Variants in DOCK1 observed in about 807,000 individuals in gnomAD.
The protein encoded by DOCK1 is dedicator of cytokinesis 1.
DOCK1 carries 138 observed loss-of-function variants against 262.7 expected under a neutral mutation model. The observed-to-expected ratio is 0.53, with a 90% CI of 0.46 to 0.61. The LOEUF (loss-of-function observed/expected upper bound fraction) is 0.61, where lower values mean the gene tolerates loss of function less well. Among genes scored for constraint, DOCK1 ranks in the 20% least tolerant of loss-of-function variants. The pLI, the probability that DOCK1 is intolerant of heterozygous loss-of-function variation, is 0.00. For synonymous variants in DOCK1, 866 were observed against 867.4 expected, an observed-to-expected ratio of 1.00 and a Z score of 0.03; for missense variants, 1,908 against 2,370.7, an observed-to-expected ratio of 0.80 and a Z score of 4.05.
intron 10 of DOCK1, chr10:127,001,344 G>C (rs914339890): frequency 3.3e-5 from 5 of 152,088 alleles, no homozygotes; most frequent in African/African-American, 1.2e-4. Flanking sequence ...AAGCAAAATT[G>C]AACAGAAAAT....
At chr10:127,317,949 T>C (rs944510364) in intron 29 of DOCK1, among the ~76,000 whole-genome samples, 1 of 152,222 alleles carries the variant, frequency 6.6e-6, no homozygotes, top group Non-Finnish European at 1.5e-5. Flanking sequence ...GATAGTGGCC[T>C]TAGGGGAGTC....
chr10:127,426,844 G>A (rs1176326774), intron 47 of DOCK1, among the ~76,000 whole-genome samples: 1 of 152,202 alleles, frequency 6.6e-6, no homozygotes, highest in African/African-American at 2.4e-5. Context: ...GGCATCAGGA[G>A]CAGGGTGGAG....
At chr10:126,906,611 A>G (rs2030897547) in intron 1 of DOCK1, among the ~76,000 whole-genome samples, 1 of 152,136 alleles carries the variant, frequency 6.6e-6, no homozygotes, top group Non-Finnish European at 1.5e-5. Flanking sequence ...CCCACAGCCC[A>G]GGCTGTGTCC....
At chr10:127,060,583 A>C (rs1359317769) in intron 22 of DOCK1, among the ~76,000 whole-genome samples, 1 of 152,262 alleles carries the variant, frequency 6.6e-6, no homozygotes, top group Non-Finnish European at 1.5e-5. Flanking sequence ...TATTAATAAA[A>C]CATCTGAGTC....
intron 43 of DOCK1, among the ~76,000 whole-genome samples, chr10:127,411,972 AT>A (rs1270261641): frequency 1.3e-5 from 2 of 151,252 alleles, no homozygotes; most frequent in Admixed American, 1.3e-4. Flanking sequence ...TTATTTGTTT[AT>A]TTTTTTTGAG....
At chr10:127,085,481 C>T (rs549242474) in intron 23 of DOCK1, among the ~76,000 whole-genome samples, 214 of 152,310 alleles carry the variant, frequency 1.4e-3, no homozygotes, top group Non-Finnish European at 1.9e-3. Context: ...AACTCTTGGC[C>T]GGGCGCGGTG....
chr10:127,211,428 T>G (rs1187708860), intron 27 of DOCK1, among the ~76,000 whole-genome samples: 1 of 152,210 alleles, frequency 6.6e-6, no homozygotes, highest in Admixed American at 6.5e-5. Context: ...AGCTGCCGTT[T>G]GTGTCTCCGA....
chr10:127,185,776 G>A (rs2056173537), intron 27 of DOCK1, among the ~76,000 whole-genome samples: 1 of 152,160 alleles, frequency 6.6e-6, no homozygotes. Context: ...TTGAGTGGTT[G>A]TTGTACAAAT....
At chr10:127,381,133 GTTT>G in intron 36 of DOCK1, 142 bp from the exon 37 acceptor site, 1 of 579,776 alleles carries the variant, frequency 1.7e-6, no homozygotes, top group South Asian at 5.9e-5. Context: ...TGTACCAAAA[GTTT>G]TTAAGGCATT....
chr10:126,958,087 AG>A lies in DOCK1; in HGVS notation c.47-12612del, dbSNP rs1449303309. On this transcript the variant is annotated intron_variant, in intron 1 of 51. Coordinates refer to ENST00000623213, the MANE Select transcript of DOCK1 (RefSeq NM_001290223.2). ...GAAAAATCTCCTAGAGAGGGGCTTG[AG>A]GGTACTTTCTGGATCTCTTCCTATC... 2.0e-5 allele frequency among the ~76,000 whole-genome samples: 3 copies of A among 152,290 alleles called. No homozygotes were observed. The East Asian group carries it at 5.8e-4, about 29-fold the overall frequency.
At chr10:127,439,942 A>G (rs9418709) in intron 49 of DOCK1, among the ~76,000 whole-genome samples, 56,689 of 151,892 alleles carry the variant, frequency 0.37, 11,277 homozygotes, top group East Asian at 0.48. Context: ...GAAGTGCACC[A>G]CATTGGGAAT....
intron 46 of DOCK1, among the ~76,000 whole-genome samples, chr10:127,422,408 G>A (rs533555244): frequency 1.3e-5 from 2 of 151,824 alleles, no homozygotes; most frequent in Non-Finnish European, 2.9e-5. Context: ...CTCGTGATCC[G>A]CCCACCTCAG....
chr10:127,395,811 G>A (rs1565056716), intron 38 of DOCK1, among the ~76,000 whole-genome samples: 1 of 152,200 alleles, frequency 6.6e-6, no homozygotes, highest in East Asian at 1.9e-4. Context: ...CCTTGAACAG[G>A]GTTAAAGCCA....
chr10:127,182,129 C>T (rs1441773082), intron 27 of DOCK1, among the ~76,000 whole-genome samples: 2 of 152,000 alleles, frequency 1.3e-5, no homozygotes, highest in East Asian at 1.9e-4. Flanking sequence ...CCCGTTCCCT[C>T]GATGTGTAGA....
chr10:126,907,027 G>T (rs1036036308), intron 1 of DOCK1, among the ~76,000 whole-genome samples: 1 of 152,220 alleles, frequency 6.6e-6, no homozygotes, highest in Non-Finnish European at 1.5e-5. Flanking sequence ...AAGTGCAGGA[G>T]AGCTCATCTG....
chr10:127,279,357 T>C (rs142963847), intron 29 of DOCK1, among the ~76,000 whole-genome samples: 5 of 152,340 alleles, frequency 3.3e-5, no homozygotes, highest in African/African-American at 9.6e-5. Context: ...TATTTTTCAG[T>C]TGAGGAAGCT....
At chr10:126,930,141 T>C (rs1341067219) in intron 1 of DOCK1, among the ~76,000 whole-genome samples, 1 of 152,202 alleles carries the variant, frequency 6.6e-6, no homozygotes, top group African/African-American at 2.4e-5. Flanking sequence ...CTTCATTCCT[T>C]TCTGTGGTGG....
At chr10:127,451,207 C>T (rs1024941882) in intron 51 of DOCK1, 125 bp from the exon 52 acceptor site, 2 of 1,085,412 alleles carry the variant, frequency 1.8e-6, no homozygotes, top group Non-Finnish European at 2.7e-6. Context: ...AGGATGGAGC[C>T]CAACTCATGT....
intron 1 of DOCK1, among the ~76,000 whole-genome samples, chr10:126,920,929 G>A (rs2033122496): frequency 6.6e-6 from 1 of 152,202 alleles, no homozygotes; most frequent in Non-Finnish European, 1.5e-5. Flanking sequence ...GGGCACGGTG[G>A]CTCACACCTG....
Sources: allele counts gnomAD v4.1 joint callset (sites outside exome capture counted in the v4.1 genomes callset), GRCh38; gene constraint gnomAD v4.1.1; transcripts MANE v1.5; gene names NCBI Gene and HGNC (gene_info 2026-07-23, HGNC 2026-07-21).